DENND2B: variants seen among roughly 807,000 people sequenced by gnomAD.
The protein encoded by DENND2B is DENN domain containing 2B, also known as DENN domain-containing protein 2B.
Under a neutral mutation model 116.0 loss-of-function variants are expected in DENND2B, and 32 were observed. The ratio of observed to expected loss-of-function variants is 0.28; its 90% confidence interval spans 0.21 to 0.37. The LOEUF (loss-of-function observed/expected upper bound fraction) is 0.37. Among genes scored for constraint, DENND2B ranks in the 10% least tolerant of loss-of-function variants. DENND2B has a pLI of 1.00. For missense variants in DENND2B, 1,276 were observed against 1,477.7 expected, an observed-to-expected ratio of 0.86 and a Z score of 2.24; for synonymous variants, 588 against 583.9, an observed-to-expected ratio of 1.01 and a Z score of -0.10.
At chr11:8,873,629 A>T (rs2063814717), upstream of DENND2B, among the ~76,000 whole-genome samples, 1 of 152,218 alleles carries the variant, frequency 6.6e-6, no homozygotes, top group Non-Finnish European at 1.5e-5. Flanking sequence ...TGTTCACATC[A>T]CTTGACAAAC....
At chr11:8,772,863 T>C (rs1216005572) in intron 1 of DENND2B, among the ~76,000 whole-genome samples, 1 of 151,922 alleles carries the variant, frequency 6.6e-6, no homozygotes, top group Non-Finnish European at 1.5e-5. Context: ...TCCCAACTCC[T>C]TGGGTATGCT....
chr11:8,836,523 A>G (rs1295682208), intron 4 of DENND2B, among the ~76,000 whole-genome samples: 1 of 146,476 alleles, frequency 6.8e-6, no homozygotes, highest in Non-Finnish European at 1.5e-5. Flanking sequence ...CCAGGTTCAA[A>G]CGATTCTCCT....
chr11:8,712,918 T>C lies in DENND2B; in HGVS notation c.1988-183A>G, dbSNP rs1004211226. On this transcript the variant is annotated intron_variant, in intron 8 of 19. Coordinates refer to ENST00000313726, the MANE Select transcript of DENND2B (RefSeq NM_213618.2). The surrounding 1 kb of genome is among the most constrained non-coding windows in gnomAD (Gnocchi z 4.4). ...AAGGTGCTGACCCCTGCACAAAGAC[T>C]CTGCCCTGACACAGGAAGCTGCGGG... Among the ~76,000 whole-genome samples the C allele has an allele frequency of 2.2e-4, 33 of 152,244 alleles. No individual in the cohort carries two copies. The highest frequency in any genetic ancestry group is 3.4e-3 in the Middle Eastern group (1 of 294).
intron 15 of DENND2B, 101 bp from the exon 16 acceptor site, chr11:8,699,075 G>T (rs2040999873): frequency 6.4e-7 from 1 of 1,554,498 alleles, no homozygotes; most frequent in African/African-American, 1.4e-5. Context: ...CAGCTAACAG[G>T]AAGTACTCCA....
chr11:8,800,940 G>C (rs2060256292), intron 1 of DENND2B, among the ~76,000 whole-genome samples: 1 of 151,796 alleles, frequency 6.6e-6, no homozygotes, highest in Admixed American at 6.6e-5. Context: ...TCTCACCTGG[G>C]GCTGGGATCA....
intron 1 of DENND2B, among the ~76,000 whole-genome samples, chr11:8,894,661 C>T (rs2134748811): frequency 6.6e-6 from 1 of 152,330 alleles, no homozygotes; most frequent in African/African-American, 2.4e-5. Context: ...CTCACCATCA[C>T]TGGCCATCAG....
chr11:8,803,005 G>A (rs1407758209), intron 1 of DENND2B, among the ~76,000 whole-genome samples: 2 of 152,106 alleles, frequency 1.3e-5, no homozygotes, highest in Non-Finnish European at 2.9e-5. Context: ...TTAGCCATTT[G>A]GGGAAATAAA....
At chr11:8,756,284 A>G (rs1443450848) in intron 1 of DENND2B, among the ~76,000 whole-genome samples, 2 of 152,236 alleles carry the variant, frequency 1.3e-5, no homozygotes, top group Admixed American at 6.5e-5. Context: ...CTGAAATGCT[A>G]TCATGCAGTT....
At chr11:8,864,418 C>T (rs972643533) in intron 2 of DENND2B, among the ~76,000 whole-genome samples, 3 of 152,142 alleles carry the variant, frequency 2.0e-5, no homozygotes, top group Admixed American at 2.0e-4. Flanking sequence ...CAGACACGCA[C>T]CGCCACGCTC....
intron 1 of DENND2B, among the ~76,000 whole-genome samples, chr11:8,884,514 C>T (rs775117282): frequency 6.6e-6 from 1 of 152,100 alleles, no homozygotes; most frequent in Admixed American, 6.6e-5. Context: ...TCTTTATTTC[C>T]TCTAGTATAT....
At chr11:8,890,243 C>T (rs924255969) in intron 1 of DENND2B, among the ~76,000 whole-genome samples, 32 of 152,112 alleles carry the variant, frequency 2.1e-4, no homozygotes, top group Non-Finnish European at 4.3e-4. Context: ...CCCATATGTA[C>T]GTCACCATCA....
intron 1 of DENND2B, among the ~76,000 whole-genome samples, chr11:8,766,245 C>T (rs1030450349): frequency 1.3e-5 from 2 of 152,124 alleles, no homozygotes; most frequent in African/African-American, 4.8e-5. Context: ...AGTCAACATT[C>T]AGGCCTGTGG....
At chr11:8,708,527 G>T (rs961654012) in intron 11 of DENND2B, among the ~76,000 whole-genome samples, 2 of 152,220 alleles carry the variant, frequency 1.3e-5, no homozygotes, top group Non-Finnish European at 2.9e-5. Flanking sequence ...TGTGGAGCCA[G>T]GAGTTTGCTT....
chr11:8,907,889 C>G (rs1019393263), intron 1 of DENND2B, among the ~76,000 whole-genome samples: 1 of 152,012 alleles, frequency 6.6e-6, no homozygotes, highest in Non-Finnish European at 1.5e-5. Flanking sequence ...AAAATAGAGA[C>G]AGGGGTCTCA....
upstream of DENND2B, among the ~76,000 whole-genome samples, chr11:8,876,398 A>G (rs150376160): frequency 1.3e-5 from 2 of 152,302 alleles, no homozygotes; most frequent in African/African-American, 4.8e-5. Flanking sequence ...ATAGTAGATT[A>G]TATTTCCTGC....
At chr11:8,809,484 C>T (rs1195662948) in intron 1 of DENND2B, 1 of 152,122 alleles carries the variant, frequency 6.6e-6, no homozygotes, top group Admixed American at 6.6e-5. Context: ...GAAGCACAAC[C>T]CCTGATGGGT....
At chr11:8,782,677 G>A in intron 1 of DENND2B, among the ~76,000 whole-genome samples, 1 of 152,022 alleles carries the variant, frequency 6.6e-6, no homozygotes, top group Admixed American at 6.5e-5. Context: ...ACGAGGTCAG[G>A]AGATCAAGAT....
intron 3 of DENND2B, among the ~76,000 whole-genome samples, chr11:8,846,405 G>C (rs2062814768): frequency 6.6e-6 from 1 of 152,192 alleles, no homozygotes; most frequent in Non-Finnish European, 1.5e-5. Context: ...GACAAGTGGA[G>C]GACAGTATCA....
At chr11:8,869,933 C>CAAAA (rs11454088) in intron 2 of DENND2B, among the ~76,000 whole-genome samples, 277 of 151,216 alleles carry the variant, frequency 1.8e-3, no homozygotes, top group East Asian at 0.014. Flanking sequence ...CTAATTCTGG[C>CAAAA]AAAAAAAAAT....
Sources: allele counts gnomAD v4.1 joint callset (sites outside exome capture counted in the v4.1 genomes callset), GRCh38; gene constraint gnomAD v4.1.1; non-coding constraint Gnocchi (gnomAD v3.1); transcripts MANE v1.5; gene names NCBI Gene and HGNC (gene_info 2026-07-23, HGNC 2026-07-21).